TNRC6B: variants seen among roughly 807,000 people sequenced by gnomAD.
TNRC6B encodes the protein trinucleotide repeat-containing gene 6B protein.
A neutral mutation model predicts 203.6 loss-of-function variants in TNRC6B; 52 were observed. The ratio of observed to expected loss-of-function variants is 0.26; its 90% CI spans 0.20 to 0.32. The LOEUF (loss-of-function observed/expected upper bound fraction) is 0.32, where lower values mean the gene tolerates loss of function less well. TNRC6B is among the 10% of genes least tolerant of loss of function. The probability of loss-of-function intolerance (pLI) is 1.00; values close to 1 mark genes in which losing one functional copy is unlikely to be tolerated. For missense variants in TNRC6B, 1,923 were observed against 2,286.2 expected (o/e 0.84, Z 3.24); for synonymous variants, 838 against 845.7 (o/e 0.99, Z 0.16).
intron 22 of TNRC6B, chr22:40,321,472 A>T: frequency 2.2e-6 from 1 of 462,850 alleles, no homozygotes; most frequent in South Asian, 3.3e-5. Context: ...TAATTTGTGA[A>T]GTAGTGAGTA....
chr22:40,159,667 T>A lies in TNRC6B; in HGVS notation c.113+3485T>A, dbSNP rs547948464. Among the ~76,000 whole-genome samples, 335 of 77,230 alleles carry A rather than the reference T, an allele frequency of 4.3e-3. 1 individual carries two copies. Among genetic ancestry groups the A allele is most frequent in the African/African-American group, 0.039 (309 of 7,926 alleles). 50.7% of individuals were successfully genotyped at this position (77,230 alleles called of 152,430 possible). On this transcript the variant is annotated intron_variant, in intron 4 of 23. Coordinates refer to the TNRC6B transcript ENST00000301923. ...ACATTAAAAAAAAAATTTAAAAATTTAAAAAAAAAGAAAGGTGAAACCCTT... is the reference window on the plus strand; with the variant it reads ...ACATTAAAAAAAAAATTTAAAAATTAAAAAAAAAAGAAAGGTGAAACCCTT...
intron 1 of TNRC6B, among the ~76,000 whole-genome samples, chr22:40,223,889 A>G (rs1405154242): frequency 6.6e-6 from 1 of 152,234 alleles, no homozygotes; most frequent in Non-Finnish European, 1.5e-5. Flanking sequence ...CAGCAATGGT[A>G]TATGTGAATG....
At chr22:40,146,647 A>G (rs189230479) in intron 3 of TNRC6B, among the ~76,000 whole-genome samples, 8 of 147,374 alleles carry the variant, frequency 5.4e-5, no homozygotes, top group Non-Finnish European at 1.0e-4. Flanking sequence ...GCTTACTGCA[A>G]CCTCCTCCCC....
At chr22:40,156,782 G>A (rs796387936) in intron 4 of TNRC6B, among the ~76,000 whole-genome samples, 17 of 144,328 alleles carry the variant, frequency 1.2e-4, no homozygotes, top group African/African-American at 3.1e-4. Context: ...TTCTTGAGAC[G>A]GAGTATCACT....
intron 3 of TNRC6B, chr22:40,253,599 A>C (rs1275190524): frequency 2.2e-6 from 1 of 456,280 alleles, no homozygotes; most frequent in Non-Finnish European, 4.4e-6. Flanking sequence ...CCACCACTCC[A>C]ATCAAAAGAT....
chr22:40,306,095 A>G (rs1348042085), intron 15 of TNRC6B, among the ~76,000 whole-genome samples: 2 of 152,054 alleles, frequency 1.3e-5, no homozygotes, highest in Non-Finnish European at 2.9e-5. Flanking sequence ...GATTGAGACC[A>G]TCCTGGCTAA....
chr22:40,194,399 T>G (rs1601873821), intron 1 of TNRC6B, among the ~76,000 whole-genome samples: 1 of 152,190 alleles, frequency 6.6e-6, no homozygotes, highest in East Asian at 1.9e-4. Flanking sequence ...CTTCTGTGCT[T>G]GGGCATTATG....
intron 20 of TNRC6B, 113 bp downstream of exon 20, chr22:40,315,620 G>A: frequency 8.2e-7 from 1 of 1,216,188 alleles, no homozygotes; most frequent in Non-Finnish European, 1.1e-6. Flanking sequence ...ATGGTTGTCT[G>A]CTTTTTCTTC....
At chr22:40,277,735 T>G (rs2070665387) in intron 8 of TNRC6B, among the ~76,000 whole-genome samples, 1 of 152,254 alleles carries the variant, frequency 6.6e-6, no homozygotes, top group African/African-American at 2.4e-5. Flanking sequence ...GGGGTTTATT[T>G]CTTCAGGCAG....
chr22:40,225,366 T>C (rs985230628), intron 1 of TNRC6B, among the ~76,000 whole-genome samples: 8 of 152,190 alleles, frequency 5.3e-5, no homozygotes, highest in African/African-American at 1.9e-4. Flanking sequence ...GTAGAAAGCA[T>C]AATGCTCAAC....
chr22:40,132,898 C>T (rs559318474), intron 3 of TNRC6B, among the ~76,000 whole-genome samples: 2 of 137,034 alleles, frequency 1.5e-5, no homozygotes, highest in Admixed American at 8.2e-5. Context: ...GAGCCAAGAT[C>T]GCGCCACTGC....
chr22:40,242,672 CA>C (rs2070047386), intron 1 of TNRC6B, among the ~76,000 whole-genome samples: 1 of 151,994 alleles, frequency 6.6e-6, no homozygotes, highest in Non-Finnish European at 1.5e-5. Flanking sequence ...TCAGGTGATC[CA>C]CCCGCCTTGG....
chr22:40,276,216 G>A (rs532025914), intron 7 of TNRC6B, among the ~76,000 whole-genome samples: 8 of 150,956 alleles, frequency 5.3e-5, no homozygotes, highest in East Asian at 4.0e-4. Flanking sequence ...GCATGGTGGC[G>A]GGTGCCTGTA....
At chr22:40,144,988 T>C (rs1441304622) in intron 3 of TNRC6B, among the ~76,000 whole-genome samples, 1 of 149,410 alleles carries the variant, frequency 6.7e-6, no homozygotes, top group Non-Finnish European at 1.5e-5. Context: ...TCCCAGCACT[T>C]TGGGAGGCCA....
At chr22:40,102,366 GATTC>G (rs144733064) in intron 1 of TNRC6B, among the ~76,000 whole-genome samples, 1,899 of 152,172 alleles carry the variant, frequency 0.012, 44 homozygotes, top group African/African-American at 0.043. Context: ...CCCTTATTAG[GATTC>G]ATTATTTGGA....
intron 21 of TNRC6B, among the ~76,000 whole-genome samples, chr22:40,319,488 CG>C: frequency 6.8e-6 from 1 of 147,802 alleles, no homozygotes; most frequent in East Asian, 2.0e-4. Flanking sequence ...TGCAGTGGCG[CG>C]ATCTCCGCTC....
intron 1 of TNRC6B, among the ~76,000 whole-genome samples, chr22:40,191,466 G>A (rs1360663670): frequency 1.3e-5 from 2 of 152,240 alleles, no homozygotes; most frequent in African/African-American, 2.4e-5. Flanking sequence ...GAGTGAGTGG[G>A]AGAGTGGGAA....
rs1308755740 is a variant in TNRC6B at position 40,335,401 on chromosome 22, G to A, written c.*12160G>A. On this transcript the variant is annotated 3_prime_UTR_variant, in exon 23 of 23. Coordinates refer to ENST00000454349, the MANE Select transcript of TNRC6B (RefSeq NM_001162501.2). ...CAATAAAATGTTAAACTCTACTAAT[G>A]TACAAATAAGCTGAAAAGTTGCATT... 6.7e-6 allele frequency: 1 copy of A among 149,446 alleles called. No homozygotes were observed. Among genetic ancestry groups the A allele is most frequent in the Non-Finnish European group, 1.5e-5 (1 of 67,568 alleles). The allele number at this position is 149,446 out of a possible 1,614,324, so 9.3% of individuals were successfully genotyped here.
chr22:40,131,602 G>C (rs2146329389), intron 3 of TNRC6B, among the ~76,000 whole-genome samples: 1 of 152,072 alleles, frequency 6.6e-6, no homozygotes, highest in South Asian at 2.1e-4. Context: ...AACTGTGTTG[G>C]GTGTTGATAC....
Sources: gnomAD v4.1 joint callset for allele counts (sites outside exome capture counted in the v4.1 genomes callset) on GRCh38, gnomAD v4.1.1 for gene constraint, MANE v1.5 for transcripts, NCBI Gene and HGNC (gene_info 2026-07-23, HGNC 2026-07-21) for gene names.